Variants in GABRB3 observed in about 807,000 individuals in gnomAD.
GABRB3 encodes the protein gamma-aminobutyric acid receptor subunit beta-3.
Under a neutral mutation model 52.1 loss-of-function variants are expected in GABRB3, and 14 were observed. The observed-to-expected ratio is 0.27, with a 90% confidence interval of 0.18 to 0.42. GABRB3 has a LOEUF of 0.42. GABRB3 is among the 10% of genes least tolerant of loss of function. The pLI is 1.00. For synonymous variants in GABRB3, 260 were observed against 232.3 expected, an observed-to-expected ratio of 1.12 and a Z score of -1.08; for missense variants, 307 against 609.1, an observed-to-expected ratio of 0.50 and a Z score of 5.22.
At chr15:26,599,253 T>C (rs1462638220) in intron 4 of GABRB3, among the ~76,000 whole-genome samples, 1 of 152,122 alleles carries the variant, frequency 6.6e-6, no homozygotes, top group Admixed American at 6.5e-5. Context: ...TCTTTGCACA[T>C]TCCAGAGATG....
At chr15:26,559,363 C>T (rs567803688) in intron 8 of GABRB3, among the ~76,000 whole-genome samples, 29 of 152,282 alleles carry the variant, frequency 1.9e-4, no homozygotes, top group Non-Finnish European at 7.3e-5. Flanking sequence ...CCTCAAAAGC[C>T]GGGCAGACAT....
At position 26,571,719 on chromosome 15, in the gene GABRB3, G is replaced by A. The variant is rs74457230; in HGVS notation, c.683-3986C>T. On this transcript the variant is annotated intron_variant, in intron 6 of 8. Coordinates refer to ENST00000311550, the MANE Select transcript of GABRB3 (RefSeq NM_000814.6). ...CTGGAAATTCGCCAAGATACTCATT[G>A]ACACAGAATTTGGAAGTAAGAAAAT... Among the ~76,000 whole-genome samples, 275 of 152,260 alleles carry A rather than the reference G, an allele frequency of 1.8e-3. 5 individuals are homozygous for A. In the East Asian group the frequency reaches 0.035, roughly 20 times the overall value.
intron 3 of GABRB3, among the ~76,000 whole-genome samples, chr15:26,623,154 C>T (rs1892551218): frequency 6.6e-6 from 1 of 152,142 alleles, no homozygotes; most frequent in South Asian, 2.1e-4. Flanking sequence ...CATCGAAAAA[C>T]ACATGGAGTG....
At chr15:26,722,729 C>A (rs370122214) in intron 3 of GABRB3, among the ~76,000 whole-genome samples, 1 of 152,148 alleles carries the variant, frequency 6.6e-6, no homozygotes. Flanking sequence ...GAAGCAGTCA[C>A]AGAAATCAGG....
At chr15:26,700,106 AAAC>A (rs1888879655) in intron 3 of GABRB3, among the ~76,000 whole-genome samples, 1 of 152,150 alleles carries the variant, frequency 6.6e-6, no homozygotes, top group African/African-American at 2.4e-5. Context: ...TAAGGAAAAA[AAAC>A]AAACAAAACA....
chr15:26,605,311 TG>T (rs2140507063), intron 4 of GABRB3, among the ~76,000 whole-genome samples: 1 of 152,276 alleles, frequency 6.6e-6, no homozygotes, highest in Non-Finnish European at 1.5e-5. Flanking sequence ...ATACTATTGG[TG>T]GGGATGTATG....
intron 3 of GABRB3, among the ~76,000 whole-genome samples, chr15:26,654,671 G>C (rs1328387715): frequency 6.6e-6 from 1 of 152,110 alleles, no homozygotes; most frequent in Admixed American, 6.5e-5. Flanking sequence ...TGACTTAAGA[G>C]AAGCATGTGA....
chr15:26,584,200 T>C (rs1036251930), intron 4 of GABRB3, among the ~76,000 whole-genome samples: 1 of 152,162 alleles, frequency 6.6e-6, no homozygotes, highest in South Asian at 2.1e-4. Context: ...ACTTACTAGG[T>C]CTTATTGACT....
intron 3 of GABRB3, among the ~76,000 whole-genome samples, chr15:26,629,971 A>G (rs1892868402): frequency 6.6e-6 from 1 of 151,994 alleles, no homozygotes; most frequent in African/African-American, 2.4e-5. Flanking sequence ...CCCTGGATGG[A>G]TACAGTACTT....
At chr15:26,672,439 A>G (rs1045626098) in intron 3 of GABRB3, among the ~76,000 whole-genome samples, 1 of 152,104 alleles carries the variant, frequency 6.6e-6, no homozygotes, top group Non-Finnish European at 1.5e-5. Context: ...TCTTCCGTAA[A>G]TGGAGTTTCT....
chr15:26,641,947 T>C (rs959480759), intron 3 of GABRB3, among the ~76,000 whole-genome samples: 1 of 152,010 alleles, frequency 6.6e-6, no homozygotes, highest in East Asian at 1.9e-4. Flanking sequence ...TAGAGTGCAG[T>C]GACTCGATCA....
chr15:26,771,853 G>C (rs756754189), intron 3 of GABRB3: 5 of 152,446 alleles, frequency 3.3e-5, no homozygotes, highest in African/African-American at 9.6e-5. Context: ...TGGCGGTGCC[G>C]GGCCCGGGTC....
intron 3 of GABRB3, among the ~76,000 whole-genome samples, chr15:26,675,677 C>A (rs1312949764): frequency 6.6e-6 from 1 of 152,034 alleles, no homozygotes; most frequent in African/African-American, 2.4e-5. Flanking sequence ...GGCAAAAGAG[C>A]AGAATGTGTT....
At chr15:26,650,969 C>A (rs1887179018) in intron 3 of GABRB3, among the ~76,000 whole-genome samples, 1 of 152,176 alleles carries the variant, frequency 6.6e-6, no homozygotes, top group Non-Finnish European at 1.5e-5. Context: ...TATCCGGCTT[C>A]ACCATCCTTC....
In GABRB3 at chr15:26,772,414, G is replaced by A. The variant is rs200439016; in HGVS notation, c.228C>T (p.Ser76=). The A allele has an allele frequency of 1.9e-6, 3 of 1,609,928 alleles. No individual in the cohort carries two copies. The highest frequency in any genetic ancestry group is 3.3e-5 in the Admixed American group (2 of 59,804). ...NIDIASIDMV[S]EVNMDYTLTM... ...GGCGGGCACTCACCATGTTGACTTCGGAAACCATGTCGATGCTGGCGATGT... is the reference window on the plus strand; with the variant it reads ...GGCGGGCACTCACCATGTTGACTTCAGAAACCATGTCGATGCTGGCGATGT... Residue 76 remains serine (S), a synonymous_variant, in exon 3 of 9, where the codon TCC becomes TCT. Coordinates refer to ENST00000311550, the MANE Select transcript of GABRB3 (RefSeq NM_000814.6).
intron 3 of GABRB3, among the ~76,000 whole-genome samples, chr15:26,734,309 G>A (rs554317745): frequency 9.2e-5 from 14 of 152,048 alleles, no homozygotes; most frequent in African/African-American, 3.4e-4. Flanking sequence ...GGGATTACAG[G>A]CATGAGCCAC....
intron 3 of GABRB3, among the ~76,000 whole-genome samples, chr15:26,660,964 G>C (rs1031597196): frequency 1.3e-5 from 2 of 152,034 alleles, no homozygotes; most frequent in Non-Finnish European, 2.9e-5. Flanking sequence ...AAAATTATTT[G>C]TAGAGGTGTG....
chr15:26,566,585 G>T lies in GABRB3; in HGVS notation c.835+996C>A, dbSNP rs182212659. ...TACAAAAAATTAAAAAATTAGCCAA[G>T]TGTGGTGGTGTGTGCCTGTTGTCCC... On this transcript the variant is annotated intron_variant, in intron 7 of 8. Coordinates refer to ENST00000311550, the MANE Select transcript of GABRB3 (RefSeq NM_000814.6). Among the ~76,000 whole-genome samples, 970 of 150,572 alleles carry T rather than the reference G, an allele frequency of 6.4e-3. 4 individuals carry two copies. The highest frequency in any genetic ancestry group is 0.019 in the South Asian group (93 of 4,826).
intron 4 of GABRB3, among the ~76,000 whole-genome samples, chr15:26,601,719 T>G (rs1440319428): frequency 6.6e-6 from 1 of 152,076 alleles, no homozygotes; most frequent in Non-Finnish European, 1.5e-5. Flanking sequence ...AAGACAGTAT[T>G]TGCAAGCTTC....
Sources: allele counts gnomAD v4.1 joint callset (sites outside exome capture counted in the v4.1 genomes callset), GRCh38; gene constraint gnomAD v4.1.1; transcripts MANE v1.5; gene names NCBI Gene and HGNC (gene_info 2026-07-23, HGNC 2026-07-21).